The following FAM227B variants were observed in gnomAD, a reference collection of about 807,000 sequenced individuals.
The protein encoded by FAM227B is protein FAM227B.
A neutral mutation model predicts 73.8 loss-of-function variants in FAM227B; 88 were observed. The observed-to-expected ratio is 1.19, with a 90% CI of 1.00 to 1.42. The LOEUF (loss-of-function observed/expected upper bound fraction) is 1.42, where lower values mean the gene tolerates loss of function less well. Ranked by LOEUF, FAM227B falls within the 40% of genes most tolerant of loss-of-function variation. The pLI, the probability that FAM227B is intolerant of heterozygous loss-of-function variation, is 0.00. For synonymous variants in FAM227B, 210 were observed against 190.5 expected (o/e 1.10, Z -0.84); for missense variants, 632 against 590.9 (o/e 1.07, Z -0.72).
chr15:49,387,814 C>A (rs893507062), intron 11 of FAM227B, among the ~76,000 whole-genome samples: 5 of 151,708 alleles, frequency 3.3e-5, no homozygotes, highest in Admixed American at 3.3e-4. Context: ...ACAACAATAT[C>A]ATTGTTGATG....
chr15:49,329,799 A>C, intron 15 of FAM227B: 1 of 882,034 alleles, frequency 1.1e-6, no homozygotes, highest in Non-Finnish European at 1.4e-6. Context: ...AGATACCTGG[A>C]TCAGTGTAAA....
At chr15:49,540,732 A>G (rs2070948968) in intron 10 of FAM227B, among the ~76,000 whole-genome samples, 1 of 152,202 alleles carries the variant, frequency 6.6e-6, no homozygotes. Flanking sequence ...GGAAGATACA[A>G]TTCAGTTCAT....
rs1368266782 is a variant in FAM227B at position 49,367,458 on chromosome 15, A to G, written c.1261T>C (p.Phe421Leu). 1 of 1,579,518 alleles carries G rather than the reference A, an allele frequency of 6.3e-7. No individual in the cohort carries two copies. Among genetic ancestry groups the G allele is most frequent in the East Asian group, 2.3e-5 (1 of 44,212 alleles). Residue 421 changes from phenylalanine (F) to leucine (L), a missense_variant, in exon 13 of 16, where the codon TTC (phenylalanine) becomes CTC (leucine). By Grantham distance (22) the Phe-to-Leu change is conservative. Coordinates refer to ENST00000299338, the MANE Select transcript of FAM227B (RefSeq NM_152647.3). Reference protein sequence around the residue: ...KKTKIKLTKIFQEPLPAPTYR... With the variant: ...KKTKIKLTKILQEPLPAPTYR... ...CTTTAAAAAGGATATGGTTCCTGGA[A>G]TATCTTAGTGAGTTTAATCTTGGTT...
intron 8 of FAM227B, among the ~76,000 whole-genome samples, chr15:49,571,553 G>C (rs541382581): frequency 6.6e-6 from 1 of 151,648 alleles, no homozygotes; most frequent in Non-Finnish European, 1.5e-5. Context: ...TTCAATTTCC[G>C]TCTTCTGCAT....
At chr15:49,518,180 T>G (rs1373330169) in intron 10 of FAM227B, among the ~76,000 whole-genome samples, 1 of 152,222 alleles carries the variant, frequency 6.6e-6, no homozygotes, top group African/African-American at 2.4e-5. Context: ...GACAAAAGTA[T>G]GCATATGCTC....
rs768743764 is a variant in FAM227B, at chr15:49,367,462, C to G, written c.1257G>C (p.Lys419Asn). The G allele has an allele frequency of 2.5e-6, 4 of 1,588,048 alleles. No individual in the cohort carries two copies. The highest frequency in any genetic ancestry group is 1.7e-4 in the Middle Eastern group (1 of 5,978). ...AAAAAGGATATGGTTCCTGGAATAT[C>G]TTAGTGAGTTTAATCTTGGTTTTCT... The part of the protein sequence containing the change: ...APKKTKIKLT[K>N]IFQEPLPAPT... Residue 419 changes from lysine to asparagine, a missense_variant, in exon 13 of 16, where the codon AAG (lysine) becomes AAC (asparagine). Lys to Asn is a moderately conservative substitution (Grantham distance 94). Transcript: ENST00000299338.
intron 11 of FAM227B, among the ~76,000 whole-genome samples, chr15:49,398,891 A>C (rs935331547): frequency 1.4e-5 from 1 of 72,394 alleles, no homozygotes. Flanking sequence ...CCACAAGAGA[A>C]GGCAGGAAAG....
At chr15:49,335,256 C>T (rs2039505094) in intron 14 of FAM227B, among the ~76,000 whole-genome samples, 163 bp downstream of exon 14, 1 of 152,204 alleles carries the variant, frequency 6.6e-6, no homozygotes, top group Admixed American at 6.5e-5. Context: ...ATGGTTACAA[C>T]ATACACCCTT....
intron 11 of FAM227B, among the ~76,000 whole-genome samples, chr15:49,493,467 A>G (rs1183234869): frequency 6.6e-6 from 1 of 151,918 alleles, no homozygotes; most frequent in Admixed American, 6.6e-5. Flanking sequence ...TATTGTCTCT[A>G]TCATCCAGAA....
At chr15:49,521,674 A>G (rs2059796945) in intron 10 of FAM227B, among the ~76,000 whole-genome samples, 1 of 152,068 alleles carries the variant, frequency 6.6e-6, no homozygotes, top group Non-Finnish European at 1.5e-5. Flanking sequence ...CTGGGGAGAG[A>G]GTTTCTTCCC....
intron 5 of FAM227B, among the ~76,000 whole-genome samples, chr15:49,584,459 AAAG>A (rs1171223137): frequency 6.6e-6 from 1 of 152,120 alleles, no homozygotes; most frequent in African/African-American, 2.4e-5. Context: ...TGGCACAAGA[AAAG>A]GATGCCCTCT....
rs921695804 is a variant in FAM227B at position 49,327,031 on chromosome 15, T to G, written c.*1537A>C. On this transcript the variant is annotated 3_prime_UTR_variant, in exon 16 of 16. Coordinates refer to ENST00000299338, the MANE Select transcript of FAM227B (RefSeq NM_152647.3). ...GTGAATTTTATTAAGAAGAATTAAT[T>G]GTAAGTACATGTTAACTTTCGTGTC... 5 of 152,146 alleles carry G rather than the reference T, an allele frequency of 3.3e-5. No individual in the cohort carries two copies. Among genetic ancestry groups the G allele is most frequent in the Non-Finnish European group, 7.4e-5 (5 of 68,024 alleles). The allele number at this position is 152,146 out of a possible 1,614,324, so 9.4% of individuals were successfully genotyped here.
chr15:49,559,419 A>G (rs922575999), intron 9 of FAM227B, among the ~76,000 whole-genome samples: 2 of 152,172 alleles, frequency 1.3e-5, no homozygotes, highest in African/African-American at 4.8e-5. Flanking sequence ...GAGCACCTCA[A>G]TAAACAAAGA....
intron 11 of FAM227B, among the ~76,000 whole-genome samples, chr15:49,506,765 T>C (rs929122502): frequency 2.6e-5 from 4 of 151,964 alleles, no homozygotes; most frequent in African/African-American, 9.7e-5. Context: ...AATTAAGTGA[T>C]AAAATACAAC....
At chr15:49,331,686 G>T in intron 15 of FAM227B, 94 bp downstream of exon 15, 1 of 755,076 alleles carries the variant, frequency 1.3e-6, no homozygotes. Flanking sequence ...TGTAATTTGG[G>T]TGTGCCACCA....
intron 11 of FAM227B, among the ~76,000 whole-genome samples, chr15:49,371,939 TAAATG>T (rs1390868097): frequency 2.6e-5 from 3 of 117,322 alleles, no homozygotes; most frequent in Non-Finnish European, 5.2e-5. Flanking sequence ...CACTTATAAA[TAAATG>T]AAATAAAATT....
At position 49,501,070 on chromosome 15, in the gene FAM227B, A is replaced by T. The variant is rs7162306; in HGVS notation, c.1012+7141T>A. Among the ~76,000 whole-genome samples, 164 of 152,252 alleles carry T rather than the reference A, an allele frequency of 1.1e-3. 1 individual carries two copies. The highest frequency in any genetic ancestry group is 3.9e-3 in the African/African-American group (163 of 41,536). ...GCCAATTAAACCTCTTTTTCTTGTA[A>T]ATTACCTGGTCACGGGTATTCTTTT... On this transcript the variant is annotated intron_variant, in intron 11 of 15. Coordinates refer to ENST00000299338, the MANE Select transcript of FAM227B (RefSeq NM_152647.3).
At chr15:49,578,779 G>A (rs2075630213) in intron 5 of FAM227B, among the ~76,000 whole-genome samples, 2 of 152,164 alleles carry the variant, frequency 1.3e-5, no homozygotes, top group African/African-American at 4.8e-5. Context: ...GAAAGCTATA[G>A]ATCAATAAAG....
intron 11 of FAM227B, among the ~76,000 whole-genome samples, chr15:49,503,221 T>C (rs2058294250): frequency 1.3e-5 from 2 of 152,286 alleles, no homozygotes; most frequent in East Asian, 1.9e-4. Context: ...TGGCTAGCCA[T>C]ATGTAGAAAG....
Sources: gnomAD v4.1 joint callset for allele counts (sites outside exome capture counted in the v4.1 genomes callset) on GRCh38, gnomAD v4.1.1 for gene constraint, MANE v1.5 for transcripts, NCBI Gene and HGNC (gene_info 2026-07-23, HGNC 2026-07-21) for gene names.